CCDC175: variants seen among roughly 807,000 people sequenced by gnomAD.
CCDC175 encodes the protein coiled-coil domain-containing protein 175.
Under a neutral mutation model 114.6 loss-of-function variants are expected in CCDC175, and 100 were observed. The ratio of observed to expected loss-of-function variants is 0.87; its 90% CI spans 0.74 to 1.03. CCDC175 has a LOEUF of 1.03. CCDC175 is among the 50% of genes least tolerant of loss of function. The pLI is 0.00. For synonymous variants in CCDC175, 306 were observed against 308.7 expected, an observed-to-expected ratio of 0.99 and a Z score of 0.09; for missense variants, 880 against 917.8, an observed-to-expected ratio of 0.96 and a Z score of 0.53.
intron 3 of CCDC175, among the ~76,000 whole-genome samples, chr14:59,569,449 C>T (rs1270374292): frequency 6.6e-6 from 1 of 152,142 alleles, no homozygotes. Context: ...CAAGGACTTA[C>T]GACATAAGGC....
At chr14:59,561,075 A>T in intron 7 of CCDC175, 44 bp downstream of exon 7, 1 of 958,820 alleles carries the variant, frequency 1.0e-6, no homozygotes, top group South Asian at 1.4e-5. Context: ...TATCATATTA[A>T]CATATCTCGA....
chr14:59,562,597 C>G (rs1415369674), intron 6 of CCDC175, among the ~76,000 whole-genome samples: 2 of 152,092 alleles, frequency 1.3e-5, no homozygotes, highest in African/African-American at 4.8e-5. Flanking sequence ...GGAAGGTGGG[C>G]AGGCTGGATT....
At chr14:59,552,413 T>C (rs1251558722) in intron 7 of CCDC175, among the ~76,000 whole-genome samples, 1 of 152,236 alleles carries the variant, frequency 6.6e-6, no homozygotes, top group Non-Finnish European at 1.5e-5. Context: ...GGGTCCTGAC[T>C]GTTAGAAGGA....
rs34112354 is a variant in CCDC175, at chr14:59,540,648, CTTTTTTTTTTTTT to C, written c.1355+14_1355+26del. On this transcript the variant is annotated intron_variant, in intron 11 of 19. Transcript: ENST00000537690. Reference sequence around the variant, plus strand: ...GCTGATAACACAAAACACAAATAAACTTTTTTTTTTTTTTTTTTTTTTTTACCATCTCTGACTT... The same window carrying C: ...GCTGATAACACAAAACACAAATAAACTTTTTTTTTTTACCATCTCTGACTT... The C allele has an allele frequency of 3.7e-5, 41 of 1,101,158 alleles. No homozygotes were observed. Among genetic ancestry groups the C allele is most frequent in the Non-Finnish European group, 4.8e-5 (40 of 835,600 alleles). The allele number at this position is 1,101,158 out of a possible 1,614,324, so 68.2% of individuals were successfully genotyped here. A position where few individuals can be genotyped will look rare whatever the true frequency, so the allele number is the denominator to read the frequency against.
intron 14 of CCDC175, among the ~76,000 whole-genome samples, chr14:59,527,712 A>T (rs1398411342): frequency 6.6e-6 from 1 of 152,142 alleles, no homozygotes; most frequent in East Asian, 1.9e-4. Flanking sequence ...ATTAATTCAT[A>T]CCAAATCTAC....
At position 59,521,693 on chromosome 14, in the gene CCDC175, T is replaced by C; in HGVS notation, c.1996-17A>G. 2 of 1,330,460 alleles carry C rather than the reference T, an allele frequency of 1.5e-6. No homozygotes were observed. Among genetic ancestry groups the C allele is most frequent in the Non-Finnish European group, 1.0e-6 (1 of 959,854 alleles). The allele number at this position is 1,330,460 out of a possible 1,614,324, so 82.4% of individuals were successfully genotyped here. ...TAAAATATACTGAAAATTAAAAGCA[T>C]GTGATTGCTTTTAGCAGTTTAGTTA... On this transcript the variant is annotated splice_polypyrimidine_tract_variant and intron_variant, in intron 16 of 19. Coordinates refer to ENST00000537690, the MANE Select transcript of CCDC175 (RefSeq NM_001164399.2).
At chr14:59,532,438 T>C (rs1469004461) in intron 13 of CCDC175, among the ~76,000 whole-genome samples, 1 of 152,210 alleles carries the variant, frequency 6.6e-6, no homozygotes, top group East Asian at 1.9e-4. Context: ...TAGTTGGACC[T>C]TTCTTAGCAA....
At chr14:59,522,055 A>G (rs1893454573) in intron 16 of CCDC175, among the ~76,000 whole-genome samples, 1 of 152,276 alleles carries the variant, frequency 6.6e-6, no homozygotes, top group Non-Finnish European at 1.5e-5. Context: ...ATTCAGTGTA[A>G]GACCTCAGAG....
intron 11 of CCDC175, among the ~76,000 whole-genome samples, chr14:59,539,604 C>G (rs1445684299): frequency 6.6e-6 from 1 of 150,404 alleles, no homozygotes; most frequent in Non-Finnish European, 1.5e-5. Flanking sequence ...CAATTAGAGT[C>G]TTTAAGTGCA....
chr14:59,528,526 T>C (rs1022546357), intron 14 of CCDC175, among the ~76,000 whole-genome samples: 2 of 152,144 alleles, frequency 1.3e-5, no homozygotes, highest in African/African-American at 4.8e-5. Flanking sequence ...GAGGAGATTT[T>C]AGCATGCTTA....
chr14:59,565,405 T>C (rs1896477116), intron 4 of CCDC175, 130 bp from the exon 5 acceptor site: 3 of 816,198 alleles, frequency 3.7e-6, no homozygotes, highest in Admixed American at 5.9e-5. Flanking sequence ...TGTTTATGAT[T>C]GTCTAAACTT....
At chr14:59,522,850 C>A (rs1276212060) in intron 16 of CCDC175, among the ~76,000 whole-genome samples, 1 of 152,228 alleles carries the variant, frequency 6.6e-6, no homozygotes, top group Non-Finnish European at 1.5e-5. Context: ...TTGTAATGAT[C>A]TGTTTCTATG....
At chr14:59,554,972 T>C (rs2140086130) in intron 7 of CCDC175, among the ~76,000 whole-genome samples, 1 of 152,214 alleles carries the variant, frequency 6.6e-6, no homozygotes. Context: ...AGGCAATAAT[T>C]AACAGCTTAC....
chr14:59,545,672 A>G (rs1268404495), intron 8 of CCDC175, among the ~76,000 whole-genome samples: 1 of 152,202 alleles, frequency 6.6e-6, no homozygotes, highest in Non-Finnish European at 1.5e-5. Context: ...TTTTGAGTTG[A>G]TATTATGCTT....
intron 15 of CCDC175, among the ~76,000 whole-genome samples, chr14:59,526,835 C>G (rs1181795616): frequency 6.6e-6 from 1 of 152,132 alleles, no homozygotes; most frequent in East Asian, 1.9e-4. Flanking sequence ...TGGTTCTAGT[C>G]TCTCTCCCTC....
intron 7 of CCDC175, among the ~76,000 whole-genome samples, chr14:59,557,753 A>T (rs1215198787): frequency 6.6e-6 from 1 of 152,260 alleles, no homozygotes; most frequent in East Asian, 1.9e-4. Context: ...ACAAAAATGT[A>T]TACTCCTTTG....
intron 14 of CCDC175, among the ~76,000 whole-genome samples, chr14:59,530,789 T>A (rs748018595): frequency 1.3e-5 from 2 of 152,194 alleles, no homozygotes; most frequent in Non-Finnish European, 1.5e-5. Context: ...TTAATTCCTA[T>A]CCCCATATTT....
At chr14:59,571,846 T>C (rs894927284) in intron 3 of CCDC175, among the ~76,000 whole-genome samples, 4 of 152,164 alleles carry the variant, frequency 2.6e-5, no homozygotes, top group African/African-American at 9.7e-5. Context: ...AAGCAGGCAC[T>C]TGGATACAGG....
chr14:59,574,888 G>A, intron 2 of CCDC175, 55 bp downstream of exon 2: 1 of 969,248 alleles, frequency 1.0e-6, no homozygotes, highest in South Asian at 1.5e-5. Context: ...CGAAATGAAA[G>A]TTTGAAGAAA....
Sources: gnomAD v4.1 joint callset for allele counts (sites outside exome capture counted in the v4.1 genomes callset) on GRCh38, gnomAD v4.1.1 for gene constraint, MANE v1.5 for transcripts, NCBI Gene and HGNC (gene_info 2026-07-23, HGNC 2026-07-21) for gene names.